The following ARRDC5 variants were observed in gnomAD, a reference collection of about 807,000 sequenced individuals.
ARRDC5 encodes the protein arrestin domain-containing protein 5.
In ARRDC5, 12 loss-of-function variants were observed where a neutral mutation model predicts 13.3. The ratio of observed to expected loss-of-function variants is 0.90; its 90% CI spans 0.58 to 1.46. The LOEUF is 1.46. ARRDC5 is among the 40% of genes most tolerant of loss of function. The pLI is 0.00. For synonymous variants in ARRDC5, 181 were observed against 173.4 expected, an observed-to-expected ratio of 1.04 and a Z score of -0.34; for missense variants, 406 against 418.7, an observed-to-expected ratio of 0.97 and a Z score of 0.26.
Position 4,891,544 on chromosome 19 carries a change from T to C in ARRDC5, c.489A>G (p.Lys163=). The change falls in exon 3 of 3, where the codon AAA becomes AAG. Residue 163 remains lysine, a synonymous_variant. Transcript: ENST00000650722. ...QNPLFVEAEE[K]VSYNCCRQGT... is the part of the protein sequence containing the mutation. Reference sequence around the variant, plus strand: ...CCTGGCGGCAGCAGTTGTAGGAGACTTTCTCCTCAGCCTCCACGAACAAGG... The same window carrying C: ...CCTGGCGGCAGCAGTTGTAGGAGACCTTCTCCTCAGCCTCCACGAACAAGG... 2 of 1,613,550 alleles carry C rather than the reference T, an allele frequency of 1.2e-6. No homozygotes were observed. Among genetic ancestry groups the C allele is most frequent in the Middle Eastern group, 1.7e-4 (1 of 6,060 alleles).
upstream of ARRDC5, among the ~76,000 whole-genome samples, chr19:4,903,808 C>T (rs2032000230): frequency 6.6e-6 from 1 of 151,932 alleles, no homozygotes; most frequent in Admixed American, 6.6e-5. Context: ...CAGGTGCATA[C>T]ACACTCATTT....
rs1426057009 is a variant in ARRDC5 at position 4,890,839 on chromosome 19, G to T, written c.*207C>A. ...GTTATGCCGGGTTTGGGTCCTGGGA[G>T]ACCTTCCCGGTTTCCTTTGTCCATT... is the stretch of plus-strand genomic sequence containing the variant. On this transcript the variant is annotated 3_prime_UTR_variant, in exon 3 of 3. Coordinates refer to ENST00000650722, the MANE Select transcript of ARRDC5 (RefSeq NM_001080523.3). 9.1e-6 allele frequency: 5 copies of T among 552,176 alleles called. No individual in the cohort carries two copies. In the Admixed American group the frequency reaches 1.0e-4, roughly 11 times the overall value. 34.2% of individuals were successfully genotyped at this position (552,176 alleles called of 1,614,324 possible).
At chr19:4,899,502 T>C (rs2031842508) in intron 1 of ARRDC5, among the ~76,000 whole-genome samples, 1 of 150,648 alleles carries the variant, frequency 6.6e-6, no homozygotes, top group African/African-American at 2.4e-5. Context: ...CATAGTGGCA[T>C]GCGCCTGTAA....
At position 4,890,840 on chromosome 19, in the gene ARRDC5, A is replaced by G. The variant is rs1385434463; in HGVS notation, c.*206T>C. 3 of 550,020 alleles carry G rather than the reference A, an allele frequency of 5.5e-6. No individual in the cohort carries two copies. Among genetic ancestry groups the G allele is most frequent in the Non-Finnish European group, 9.6e-6 (3 of 312,720 alleles). The allele number at this position is 550,020 out of a possible 1,614,324, so 34.1% of individuals were successfully genotyped here. On this transcript the variant is annotated 3_prime_UTR_variant, in exon 3 of 3. Coordinates refer to ENST00000650722, the MANE Select transcript of ARRDC5 (RefSeq NM_001080523.3). ...TTATGCCGGGTTTGGGTCCTGGGAG[A>G]CCTTCCCGGTTTCCTTTGTCCATTC...
At chr19:4,914,344 G>A in the ARRDC5 span, among the ~76,000 whole-genome samples, 6 of 152,152 alleles carry the variant, frequency 3.9e-5, no homozygotes, top group African/African-American at 1.4e-4. Context: ...CACAGTTCCC[G>A]GTGGGCACAA....
Position 4,902,711 on chromosome 19 carries a change from T to C in ARRDC5, c.115A>G (p.Ile39Val). 6.2e-7 allele frequency: 1 copy of C among 1,614,052 alleles called. No individual in the cohort carries two copies. The highest frequency in any genetic ancestry group is 8.5e-7 in the Non-Finnish European group (1 of 1,179,912). The change falls in exon 1 of 3, where the codon ATA (isoleucine) becomes GTA (valine). Residue 39 changes from isoleucine (I) to valine (V), a missense_variant. Transcript: ENST00000650722. ...CTTCCCACGAGCTCCACCTTCACTA[T>C]GGGGTCCACCAGGGTGCTGTTCAGG... ...LTLNSTLVDPIVKVELVGRGY... is the reference protein window; with the variant it reads ...LTLNSTLVDPVVKVELVGRGY...
the ARRDC5 span, among the ~76,000 whole-genome samples, chr19:4,913,059 G>A: frequency 0.37 from 56,013 of 151,704 alleles, 10,781 homozygotes; most frequent in African/African-American, 0.48. Context: ...GGACCTAAAA[G>A]CTTTGTCTAT....
At chr19:4,897,863 G>A (rs752024952) in intron 1 of ARRDC5, among the ~76,000 whole-genome samples, 8 of 152,224 alleles carry the variant, frequency 5.3e-5, no homozygotes, top group Non-Finnish European at 1.0e-4. Context: ...AAGGCGGGCG[G>A]ATCACCTGAG....
intron 2 of ARRDC5, among the ~76,000 whole-genome samples, chr19:4,896,229 C>T (rs1445818058): frequency 3.4e-5 from 5 of 148,680 alleles, no homozygotes; most frequent in East Asian, 2.0e-4. Flanking sequence ...GCAGGAGAAT[C>T]GCTTGAACCT....
chr19:4,893,573 G>A (rs1016363436), intron 2 of ARRDC5, among the ~76,000 whole-genome samples: 3 of 149,774 alleles, frequency 2.0e-5, no homozygotes, highest in Non-Finnish European at 3.0e-5. Context: ...TGCAACCCAC[G>A]ACTGGGTTGT....
intron 2 of ARRDC5, among the ~76,000 whole-genome samples, chr19:4,896,357 TTTTTACACACACACACACACACAC>T (rs2031725170): frequency 1.0e-5 from 1 of 96,064 alleles, no homozygotes; most frequent in African/African-American, 4.5e-5. Flanking sequence ...TATTTTTTTT[TTTTTACACACACACACACACACAC>T]ACACACACAC....
At chr19:4,914,240 T>TTGGACAGTGGCGGGAAGGC in the ARRDC5 span, among the ~76,000 whole-genome samples, 3 of 152,090 alleles carry the variant, frequency 2.0e-5, no homozygotes, top group African/African-American at 7.2e-5. Context: ...GCAGGGAGGT[T>TTGGACAGTGGCGGGAAGGC]TGGACAGTGG....
At chr19:4,896,951 T>A (rs2031759649) in intron 1 of ARRDC5, 75 bp from the exon 2 acceptor site, 5 of 1,051,612 alleles carry the variant, frequency 4.8e-6, no homozygotes, top group Non-Finnish European at 4.2e-6. Flanking sequence ...TTTTTTTGCT[T>A]TATTTTTATA....
intron 1 of ARRDC5, among the ~76,000 whole-genome samples, chr19:4,899,932 C>T (rs1273965869): frequency 6.7e-6 from 1 of 148,996 alleles, no homozygotes; most frequent in Admixed American, 6.7e-5. Flanking sequence ...GAGGAGACTC[C>T]GTCTCCAAAA....
upstream of ARRDC5, chr19:4,902,911 T>C: frequency 6.3e-7 from 1 of 1,593,634 alleles, no homozygotes; most frequent in Non-Finnish European, 8.6e-7. Context: ...AGGTAATCCA[T>C]CTATGACATC....
At chr19:4,915,206 G>A in the ARRDC5 span, among the ~76,000 whole-genome samples, 5 of 152,230 alleles carry the variant, frequency 3.3e-5, no homozygotes, top group South Asian at 2.1e-4. Flanking sequence ...CCCACTGGAC[G>A]GCCCCCTTGC....
chr19:4,902,916 G>GGATT, upstream of ARRDC5: 1 of 1,585,954 alleles, frequency 6.3e-7, no homozygotes, highest in Non-Finnish European at 8.6e-7. Flanking sequence ...ATCCATCTAT[G>GGATT]ACATCACTCA....
At chr19:4,900,354 G>A (rs993419100) in intron 1 of ARRDC5, among the ~76,000 whole-genome samples, 6 of 151,376 alleles carry the variant, frequency 4.0e-5, no homozygotes, top group African/African-American at 1.5e-4. Context: ...TTGTCCTCTG[G>A]TGATCTGCCC....
the ARRDC5 span, among the ~76,000 whole-genome samples, chr19:4,908,469 C>T: frequency 2.0e-5 from 3 of 152,154 alleles, no homozygotes; most frequent in Non-Finnish European, 1.5e-5. Flanking sequence ...TCAACTCCCC[C>T]TCCCCTTTGC....
Sources: allele counts gnomAD v4.1 joint callset (sites outside exome capture counted in the v4.1 genomes callset), GRCh38; gene constraint gnomAD v4.1.1; transcripts MANE v1.5; gene names NCBI Gene and HGNC (gene_info 2026-07-23, HGNC 2026-07-21).